Variants in ZNF268 observed in about 807,000 individuals in gnomAD.
The protein encoded by ZNF268 is zinc finger protein 268.
Under a neutral mutation model 29.3 loss-of-function variants are expected in ZNF268, and 20 were observed. The observed-to-expected ratio is 0.68, with a 90% CI of 0.48 to 0.99. The LOEUF (loss-of-function observed/expected upper bound fraction) is 0.99. Among genes scored for constraint, ZNF268 ranks in the 50% least tolerant of loss-of-function variants. The probability of loss-of-function intolerance (pLI) is 0.00; values close to 1 mark genes in which losing one functional copy is unlikely to be tolerated. For synonymous variants in ZNF268, 429 were observed against 376.9 expected (o/e 1.14, Z -1.60); for missense variants, 1,240 against 1,121.6 (o/e 1.11, Z -1.51).
chr12:133,201,664 T>C (rs1566379482), intron 5 of ZNF268, among the ~76,000 whole-genome samples: 1 of 152,128 alleles, frequency 6.6e-6, no homozygotes, highest in Non-Finnish European at 1.5e-5. Context: ...GGTATTGAGA[T>C]GTTATTCCCA....
At chr12:133,187,256 A>G (rs1956346556) in intron 2 of ZNF268, among the ~76,000 whole-genome samples, 1 of 130,888 alleles carries the variant, frequency 7.6e-6, no homozygotes, top group Non-Finnish European at 1.7e-5. Flanking sequence ...CCTAAATTTA[A>G]TCTTCATTTC....
chr12:133,192,920 A>G (rs1399939405), intron 5 of ZNF268, among the ~76,000 whole-genome samples: 1 of 152,098 alleles, frequency 6.6e-6, no homozygotes, highest in African/African-American at 2.4e-5. Flanking sequence ...CGGCCTCCCA[A>G]AGTGCTAGGA....
rs565059550 is a variant in ZNF268, at chr12:133,212,445, T to TTATATATATATATATATA, written c.*7951_*7968dup. 3 of 118,566 alleles carry TTATATATATATATATATA rather than the reference T, an allele frequency of 2.5e-5. No individual in the cohort carries two copies. Among genetic ancestry groups the TTATATATATATATATATA allele is most frequent in the Non-Finnish European group, 5.5e-5 (3 of 54,224 alleles). 7.3% of individuals were successfully genotyped at this position (118,566 alleles called of 1,614,324 possible). A position where few individuals can be genotyped will look rare whatever the true frequency, so the allele number is the denominator to read the frequency against. On this transcript the variant is annotated 3_prime_UTR_variant, in exon 6 of 6. Coordinates refer to ENST00000536435, the MANE Select transcript of ZNF268 (RefSeq NM_003415.3). ...CCAAGGGAGACTTTCATGTGTGATT[T>TTATATATATATATATATA]TATATATATATATATATATATATAT...
chr12:133,185,515 CA>C lies in ZNF268; in HGVS notation c.34-2356del, dbSNP rs1956290432. ...ATGAACAGAGGTGCAGAGGCCAGAT[CA>C]GGTAACCTGGAAGGAAGGACTTTGT... is the stretch of plus-strand genomic sequence containing the variant. On this transcript the variant is annotated intron_variant, in intron 2 of 5. Coordinates refer to ENST00000536435, the MANE Select transcript of ZNF268 (RefSeq NM_003415.3). Among the ~76,000 whole-genome samples, 3 of 136,424 alleles carry C rather than the reference CA, an allele frequency of 2.2e-5. No individual in the cohort carries two copies. The East Asian group carries it at 6.1e-4, about 28-fold the overall frequency. The allele number at this position is 136,424 out of a possible 152,430, so 89.5% of individuals were successfully genotyped here. A position where few individuals can be genotyped will look rare whatever the true frequency, so the allele number is the denominator to read the frequency against.
At chr12:133,188,819 G>A (rs1026171905) in intron 3 of ZNF268, among the ~76,000 whole-genome samples, 1 of 151,886 alleles carries the variant, frequency 6.6e-6, no homozygotes, top group Non-Finnish European at 1.5e-5. Context: ...TTTTCCTCGG[G>A]TGCTTCTTTT....
chr12:133,203,065 T>C lies in ZNF268; in HGVS notation c.1379T>C (p.Ile460Thr), dbSNP rs370581585. ...GCCTTTACATTCAAGTCACAGCTCATTGTACATCAGGGGATTCACACAGGA... is the reference window on the plus strand; with the variant it reads ...GCCTTTACATTCAAGTCACAGCTCACTGTACATCAGGGGATTCACACAGGA... Reference protein sequence around the residue: ...GKAFTFKSQLIVHQGIHTGVK... With the variant: ...GKAFTFKSQLTVHQGIHTGVK... The change falls in exon 6 of 6, where the codon ATT becomes ACT. Residue 460 changes from isoleucine to threonine, a missense_variant. Coordinates refer to ENST00000536435, the MANE Select transcript of ZNF268 (RefSeq NM_003415.3). 5 of 1,538,354 alleles carry C rather than the reference T, an allele frequency of 3.3e-6. No individual in the cohort carries two copies. In the East Asian group the frequency reaches 9.8e-5, roughly 30 times the overall value.
chr12:133,188,703 G>T (rs1205405405), intron 3 of ZNF268, among the ~76,000 whole-genome samples: 3 of 151,626 alleles, frequency 2.0e-5, no homozygotes, highest in Non-Finnish European at 4.4e-5. Flanking sequence ...GAATATCAGA[G>T]TTCACCTCAA....
intron 5 of ZNF268, among the ~76,000 whole-genome samples, chr12:133,200,325 T>C (rs1956721533): frequency 6.6e-6 from 1 of 152,226 alleles, no homozygotes; most frequent in Admixed American, 6.5e-5. Context: ...AGTTTCCATG[T>C]AGTTGAGCGG....
intron 5 of ZNF268, among the ~76,000 whole-genome samples, chr12:133,199,360 C>T (rs1352450967): frequency 6.6e-6 from 1 of 151,528 alleles, no homozygotes; most frequent in African/African-American, 2.4e-5. Flanking sequence ...ATATATTGAA[C>T]CAGCCTTGCA....
At chr12:133,193,122 A>T (rs1376424868) in intron 5 of ZNF268, among the ~76,000 whole-genome samples, 2 of 152,092 alleles carry the variant, frequency 1.3e-5, no homozygotes, top group South Asian at 2.1e-4. Context: ...TGCTCTTCTG[A>T]ATCCAAGGGG....
chr12:133,191,412 A>C, intron 3 of ZNF268, 77 bp from the exon 4 acceptor site: 2 of 1,559,828 alleles, frequency 1.3e-6, no homozygotes, highest in Non-Finnish European at 1.8e-6. Context: ...AAACATAAAT[A>C]ATGGACACCC....
At chr12:133,186,875 C>T (rs1001904548) in intron 2 of ZNF268, among the ~76,000 whole-genome samples, 2 of 152,304 alleles carry the variant, frequency 1.3e-5, no homozygotes, top group East Asian at 1.9e-4. Flanking sequence ...CATGCGTATA[C>T]GTATACTTGC....
chr12:133,211,089 G>A lies in ZNF268; in HGVS notation c.*6559G>A, dbSNP rs1956972301. Reference sequence around the variant, plus strand: ...AGAGATAATAAAAGGCAAAGTAGATGGCCATAGACAAAAGTCAAGTGATTT... The same window carrying A: ...AGAGATAATAAAAGGCAAAGTAGATAGCCATAGACAAAAGTCAAGTGATTT... On this transcript the variant is annotated 3_prime_UTR_variant, in exon 6 of 6. Transcript: ENST00000536435. 4.5e-6 allele frequency: 2 copies of A among 444,334 alleles called. No homozygotes were observed. The highest frequency in any genetic ancestry group is 9.2e-6 in the Non-Finnish European group (2 of 217,710). 27.5% of individuals were successfully genotyped at this position (444,334 alleles called of 1,614,324 possible).
rs753366583 is a variant in ZNF268, at chr12:133,202,458, G to A, written c.772G>A (p.Val258Ile). 75 of 1,611,380 alleles carry A rather than the reference G, an allele frequency of 4.7e-5. No individual in the cohort carries two copies. Among genetic ancestry groups the A allele is most frequent in the African/African-American group, 1.5e-4 (11 of 74,860 alleles). The change falls in exon 6 of 6, where the codon GTC becomes ATC. Residue 258 changes from valine (V) to isoleucine (I), a missense_variant. This residue lies in a region of ZNF268 where 1,177 missense variants were observed against 1,039.6 expected (regional missense o/e 1.13). Transcript: ENST00000536435. ...TGAAAGTATTGAATCTGGAAAAACC[G>A]TCAATAAGAAATCGCAACTTATGTG... ...YCESIESGKT[V>I]NKKSQLMCQQ...
rs1555304906 is a variant in ZNF268, at chr12:133,205,159, A to AAC, written c.*630_*631insCA. On this transcript the variant is annotated 3_prime_UTR_variant, in exon 6 of 6. Transcript: ENST00000536435. ...AGCTTCATTCTAAAAAAAAAAAAAA[A>AAC]AAAAAAAAAAAAAACCAACCTGTTA... is the stretch of plus-strand genomic sequence containing the variant. 3.7e-5 allele frequency: 5 copies of AAC among 133,758 alleles called. No homozygotes were observed. The highest frequency in any genetic ancestry group is 5.0e-4 in the East Asian group (2 of 4,040). The allele number at this position is 133,758 out of a possible 1,614,324, so 8.3% of individuals were successfully genotyped here. A position where few individuals can be genotyped will look rare whatever the true frequency, so the allele number is the denominator to read the frequency against.
At chr12:133,195,008 C>A (rs893883273) in intron 5 of ZNF268, among the ~76,000 whole-genome samples, 6 of 66,702 alleles carry the variant, frequency 9.0e-5, no homozygotes, top group African/African-American at 4.2e-4. Context: ...ATAAATTAAA[C>A]ACATCCAGCC....
chr12:133,202,537 C>G lies in ZNF268; in HGVS notation c.851C>G (p.Ala284Gly), dbSNP rs1277688968. 2 of 1,611,638 alleles carry G rather than the reference C, an allele frequency of 1.2e-6. No homozygotes were observed. The highest frequency in any genetic ancestry group is 1.1e-5 in the South Asian group (1 of 90,760). ...TTTGGATGCAGCTGTTGTGAGAAAGCCTTCAGCAGCAAGTCATACCTTCTA... is the reference window on the plus strand; with the variant it reads ...TTTGGATGCAGCTGTTGTGAGAAAGGCTTCAGCAGCAAGTCATACCTTCTA... Reference protein sequence around the residue: ...KPFGCSCCEKAFSSKSYLLVH... With the variant: ...KPFGCSCCEKGFSSKSYLLVH... The change falls in exon 6 of 6, where the codon GCC (alanine) becomes GGC (glycine). Residue 284 changes from alanine (A) to glycine (G), a missense_variant. Around this residue, in one of 3 missense-constraint regions of ZNF268, gnomAD observed 1,177 missense variants for 1,039.6 expected, o/e 1.13. Coordinates refer to ENST00000536435, the MANE Select transcript of ZNF268 (RefSeq NM_003415.3).
In ZNF268 at chr12:133,199,265, G is replaced by C. The variant is rs1956692120; in HGVS notation, c.458-2879G>C. 3.3e-5 allele frequency among the ~76,000 whole-genome samples: 5 copies of C among 152,106 alleles called. No individual in the cohort carries two copies. In the South Asian group the frequency reaches 1.0e-3, roughly 32 times the overall value. ...CATGAAGGGTTGTTGAATTTTGTCAGAGGCCTTCTCTGCATCTATTGAGAT... is the reference window on the plus strand; with the variant it reads ...CATGAAGGGTTGTTGAATTTTGTCACAGGCCTTCTCTGCATCTATTGAGAT... On this transcript the variant is annotated intron_variant, in intron 5 of 5. Transcript: ENST00000536435.
rs1030124196 is a variant in ZNF268, at chr12:133,204,206, A to G, written c.2520A>G (p.Gln840=). ...HAGVNPYKCS[Q]CEKSFSGKLR... ...GGGTCAACCCTTATAAATGCAGTCA[A>G]TGTGAGAAATCCTTCAGTGGGAAAT... The change falls in exon 6 of 6, where the codon CAA becomes CAG. Residue 840 remains glutamine (Q), a synonymous_variant. Coordinates refer to ENST00000536435, the MANE Select transcript of ZNF268 (RefSeq NM_003415.3). 18 of 1,540,698 alleles carry G rather than the reference A, an allele frequency of 1.2e-5. No individual in the cohort carries two copies. In the East Asian group the frequency reaches 3.2e-4, roughly 27 times the overall value.
Sources: allele counts gnomAD v4.1 joint callset (sites outside exome capture counted in the v4.1 genomes callset), GRCh38; gene constraint gnomAD v4.1.1; regional missense constraint gnomAD v4.1.1; transcripts MANE v1.5; gene names NCBI Gene and HGNC (gene_info 2026-07-23, HGNC 2026-07-21).